THRB: variants seen among roughly 807,000 people sequenced by gnomAD.
THRB encodes nuclear receptor subfamily 1 group A member 2.
THRB carries 12 observed loss-of-function variants against 47.8 expected under a neutral mutation model. The observed-to-expected ratio is 0.25, with a 90% CI of 0.16 to 0.41. The LOEUF is 0.41. THRB is among the 10% of genes least tolerant of loss of function. The probability of loss-of-function intolerance (pLI) is 1.00; values close to 1 mark genes in which losing one functional copy is unlikely to be tolerated. For synonymous variants in THRB, 218 were observed against 212.2 expected (o/e 1.03, Z -0.24); for missense variants, 348 against 589.2 (o/e 0.59, Z 4.24).
At chr3:24,411,572 AT>A (rs912623999) in intron 1 of THRB, among the ~76,000 whole-genome samples, 16 of 151,790 alleles carry the variant, frequency 1.1e-4, no homozygotes, top group Admixed American at 2.0e-4. Flanking sequence ...ATTATAAATA[AT>A]AATAATAAAT....
intron 3 of THRB, among the ~76,000 whole-genome samples, chr3:24,285,935 G>A (rs1440673154): frequency 6.6e-6 from 1 of 152,176 alleles, no homozygotes; most frequent in Non-Finnish European, 1.5e-5. Flanking sequence ...GTATTTGGAG[G>A]TAGGGCCTCT....
intron 8 of THRB, among the ~76,000 whole-genome samples, chr3:24,135,039 C>T (rs1193820790): frequency 2.0e-5 from 3 of 152,162 alleles, no homozygotes; most frequent in African/African-American, 7.2e-5. Context: ...TTTGATTCAG[C>T]AGGTCAGGGA....
chr3:24,320,281 G>A (rs1470097720), intron 2 of THRB, among the ~76,000 whole-genome samples: 1 of 152,170 alleles, frequency 6.6e-6, no homozygotes, highest in Non-Finnish European at 1.5e-5. Flanking sequence ...GGAAAGAGAT[G>A]CTCCAGAAAA....
intron 4 of THRB, among the ~76,000 whole-genome samples, chr3:24,214,075 C>T (rs531136893): frequency 1.3e-5 from 2 of 152,268 alleles, no homozygotes; most frequent in East Asian, 1.9e-4. Context: ...TGATCATCTC[C>T]GTTTCACAGG....
intron 2 of THRB, among the ~76,000 whole-genome samples, chr3:24,304,807 T>C (rs973405661): frequency 6.6e-6 from 1 of 152,106 alleles, no homozygotes; most frequent in African/African-American, 2.4e-5. Context: ...AATACTAGGA[T>C]TGAGCAAATA....
At chr3:24,358,360 G>C (rs1215056806) in intron 1 of THRB, among the ~76,000 whole-genome samples, 1 of 151,910 alleles carries the variant, frequency 6.6e-6, no homozygotes, top group African/African-American at 2.4e-5. Context: ...AAGGCCTTAG[G>C]CACTCCAGAG....
chr3:24,229,582 A>G (rs940618662), intron 3 of THRB, among the ~76,000 whole-genome samples: 5 of 152,174 alleles, frequency 3.3e-5, no homozygotes, highest in African/African-American at 1.2e-4. Flanking sequence ...CCACTACCTT[A>G]ATGAGATCCA....
chr3:24,325,679 ACT>A (rs1046319319), intron 2 of THRB, among the ~76,000 whole-genome samples: 20 of 152,058 alleles, frequency 1.3e-4, no homozygotes, highest in African/African-American at 4.8e-4. Flanking sequence ...AGAGTGAGAG[ACT>A]CTGTCTAAAA....
intron 1 of THRB, among the ~76,000 whole-genome samples, chr3:24,408,200 G>A (rs2150146899): frequency 6.6e-6 from 1 of 151,940 alleles, no homozygotes; most frequent in East Asian, 2.0e-4. Context: ...AACCATTAAA[G>A]GTTTGTCAGC....
intron 5 of THRB, among the ~76,000 whole-genome samples, chr3:24,164,173 A>G (rs1326308461): frequency 6.6e-6 from 1 of 152,160 alleles, no homozygotes; most frequent in Non-Finnish European, 1.5e-5. Context: ...GTTGCTACTT[A>G]ATGTTCTACC....
chr3:24,483,718 G>A (rs1307446854), intron 1 of THRB, among the ~76,000 whole-genome samples: 1 of 152,124 alleles, frequency 6.6e-6, no homozygotes, highest in Non-Finnish European at 1.5e-5. Flanking sequence ...ATAGGAGGGT[G>A]GTATGGCACA....
intron 1 of THRB, among the ~76,000 whole-genome samples, chr3:24,407,609 A>G (rs767462896): frequency 6.6e-6 from 1 of 151,908 alleles, no homozygotes; most frequent in Non-Finnish European, 1.5e-5. Context: ...CTTGCTGCTC[A>G]TGGCAACCTA....
At chr3:24,300,840 A>C (rs752225623) in intron 2 of THRB, among the ~76,000 whole-genome samples, 2 of 152,238 alleles carry the variant, frequency 1.3e-5, no homozygotes, top group Non-Finnish European at 2.9e-5. Context: ...GGGGTATCTC[A>C]TTGTAGTGAC....
intron 1 of THRB, among the ~76,000 whole-genome samples, chr3:24,459,738 T>C (rs190162478): frequency 2.6e-4 from 40 of 152,194 alleles, no homozygotes; most frequent in Non-Finnish European, 1.8e-4. Flanking sequence ...TTTTTCATGT[T>C]TGTTGGCTGC....
chr3:24,294,043 C>A (rs1466037671), intron 3 of THRB, among the ~76,000 whole-genome samples: 1 of 152,186 alleles, frequency 6.6e-6, no homozygotes, highest in Non-Finnish European at 1.5e-5. Context: ...ATTGAGCTGA[C>A]CCTGCGGCTT....
chr3:24,209,939 A>C (rs950345142), intron 4 of THRB, among the ~76,000 whole-genome samples: 4 of 152,218 alleles, frequency 2.6e-5, no homozygotes, highest in Non-Finnish European at 4.4e-5. Context: ...ATAAGAAAAA[A>C]TATTGTGCTG....
intron 1 of THRB, among the ~76,000 whole-genome samples, chr3:24,375,735 C>T (rs1021148249): frequency 1.3e-5 from 2 of 151,896 alleles, no homozygotes; most frequent in African/African-American, 4.8e-5. Flanking sequence ...TTTTACCTCA[C>T]TTTACAGACA....
chr3:24,348,134 G>A (rs1022631867), intron 1 of THRB, among the ~76,000 whole-genome samples: 5 of 152,128 alleles, frequency 3.3e-5, no homozygotes, highest in African/African-American at 1.2e-4. Context: ...AGGATAACAC[G>A]TTAACGCAAG....
intron 1 of THRB, among the ~76,000 whole-genome samples, chr3:24,416,642 G>A (rs1432767813): frequency 6.6e-6 from 1 of 151,766 alleles, no homozygotes; most frequent in African/African-American, 2.4e-5. Context: ...TGTATTAATC[G>A]AGCAACCTAT....
Sources: gnomAD v4.1 joint callset for allele counts (sites outside exome capture counted in the v4.1 genomes callset) on GRCh38, gnomAD v4.1.1 for gene constraint, MANE v1.5 for transcripts, NCBI Gene and HGNC (gene_info 2026-07-23, HGNC 2026-07-21) for gene names.